RIMS2: variants seen among roughly 807,000 people sequenced by gnomAD.
The protein encoded by RIMS2 is regulating synaptic membrane exocytosis 2, also known as regulating synaptic membrane exocytosis protein 2.
In RIMS2, 59 loss-of-function variants were observed where a neutral mutation model predicts 174.4. That is an observed-to-expected ratio of 0.34 (90% CI 0.27 to 0.42). The LOEUF is 0.42. Ranked by LOEUF, RIMS2 falls within the 10% of genes least tolerant of loss-of-function variation. RIMS2 has a pLI of 1.00. For missense variants in RIMS2, 1,620 were observed against 1,666.3 expected, an observed-to-expected ratio of 0.97 and a Z score of 0.48; for synonymous variants, 606 against 572.5, an observed-to-expected ratio of 1.06 and a Z score of -0.84.
intron 1 of RIMS2, among the ~76,000 whole-genome samples, chr8:103,503,095 A>C (rs561398883): frequency 6.6e-6 from 1 of 152,086 alleles, no homozygotes; most frequent in East Asian, 1.9e-4. Flanking sequence ...CATACAATCT[A>C]TAAAATTACA....
intron 19 of RIMS2, among the ~76,000 whole-genome samples, chr8:104,145,131 T>A (rs550041095): frequency 3.2e-4 from 49 of 152,332 alleles, no homozygotes; most frequent in African/African-American, 1.1e-3. Context: ...TATTTTGTTT[T>A]GTTTTTGCTA....
At chr8:104,006,628 C>T (rs1441930614) in intron 17 of RIMS2, among the ~76,000 whole-genome samples, 1 of 31,412 alleles carries the variant, frequency 3.2e-5, no homozygotes, top group Non-Finnish European at 7.2e-5. Context: ...TGATCTATTT[C>T]TCTCTCTCTC....
intron 1 of RIMS2, among the ~76,000 whole-genome samples, chr8:103,559,603 C>T (rs955589815): frequency 6.6e-6 from 1 of 152,108 alleles, no homozygotes; most frequent in Admixed American, 6.6e-5. Context: ...ATGACACTGT[C>T]AACTCATGGT....
chr8:104,146,611 C>G (rs892418439), intron 19 of RIMS2, among the ~76,000 whole-genome samples: 1 of 152,144 alleles, frequency 6.6e-6, no homozygotes, highest in African/African-American at 2.4e-5. Context: ...GCAAAAATCA[C>G]AAGATACAAT....
chr8:103,710,199 A>C (rs980091674), intron 2 of RIMS2, among the ~76,000 whole-genome samples: 3 of 152,162 alleles, frequency 2.0e-5, no homozygotes, highest in African/African-American at 7.2e-5. Context: ...TATGAAATAG[A>C]ATAATGAGAA....
At chr8:103,604,448 G>C (rs1445815951) in intron 1 of RIMS2, among the ~76,000 whole-genome samples, 1 of 152,088 alleles carries the variant, frequency 6.6e-6, no homozygotes, top group Non-Finnish European at 1.5e-5. Context: ...CTCCAGCTTT[G>C]TTCTTTTGGC....
chr8:103,790,321 A>T (rs2098485018), intron 3 of RIMS2, among the ~76,000 whole-genome samples: 1 of 152,218 alleles, frequency 6.6e-6, no homozygotes, highest in South Asian at 2.1e-4. Context: ...GGAGTTGCCT[A>T]TTCTGGACAT....
At chr8:103,616,048 C>T (rs942923140) in intron 1 of RIMS2, among the ~76,000 whole-genome samples, 1 of 152,106 alleles carries the variant, frequency 6.6e-6, no homozygotes, top group Admixed American at 6.5e-5. Flanking sequence ...GATACCAAAA[C>T]CTGGAAGAGA....
intron 19 of RIMS2, among the ~76,000 whole-genome samples, chr8:104,130,306 T>C (rs188592635): frequency 1.3e-5 from 2 of 152,334 alleles, no homozygotes; most frequent in Non-Finnish European, 2.9e-5. Flanking sequence ...TGGGTGAACC[T>C]GTACACCGAG....
At position 103,932,274 on chromosome 8, in the gene RIMS2, T is replaced by C. The variant is rs76200865; in HGVS notation, c.2375+881T>C. Among the ~76,000 whole-genome samples the C allele has an allele frequency of 2.0e-3, 307 of 152,314 alleles. 1 individual carries two copies. Among genetic ancestry groups the C allele is most frequent in the African/African-American group, 6.9e-3 (287 of 41,574 alleles). On this transcript the variant is annotated intron_variant, in intron 12 of 23. Transcript: ENST00000504942. ...TTTTGGAATCTCATTGATTTAGTTATTTAGTTCAAGTAGAAAGTCAAGGTT... is the reference window on the plus strand; with the variant it reads ...TTTTGGAATCTCATTGATTTAGTTACTTAGTTCAAGTAGAAAGTCAAGGTT...
intron 14 of RIMS2, among the ~76,000 whole-genome samples, chr8:103,950,178 A>G (rs55933208): frequency 0.13 from 19,294 of 152,146 alleles, 1,688 homozygotes; most frequent in Non-Finnish European, 0.19. Flanking sequence ...CTTTATCAAT[A>G]AAGTCTGCCT....
rs562908045 is a variant in RIMS2 at position 103,597,625 on chromosome 8, CTT to C, written c.176+96566_176+96567del. Among the ~76,000 whole-genome samples the C allele has an allele frequency of 4.9e-3, 745 of 152,172 alleles. 7 individuals are homozygous for C. Among genetic ancestry groups the C allele is most frequent in the African/African-American group, 0.017 (718 of 41,532 alleles). On this transcript the variant is annotated intron_variant, in intron 1 of 23. Coordinates refer to ENST00000504942, the Ensembl canonical transcript of RIMS2. ...AATAATTATCCCTCTCCTTTGAACTCTTTTATATATAGAACTACAGTGATTTG... is the reference window on the plus strand; with the variant it reads ...AATAATTATCCCTCTCCTTTGAACTCTTATATATAGAACTACAGTGATTTG...
intron 1 of RIMS2, among the ~76,000 whole-genome samples, chr8:103,540,558 G>T (rs1444166975): frequency 6.6e-6 from 1 of 152,168 alleles, no homozygotes; most frequent in South Asian, 2.1e-4. Context: ...TGAAGAGTTG[G>T]CTACTGCACC....
chr8:103,564,220 C>T (rs10086733), intron 1 of RIMS2, among the ~76,000 whole-genome samples: 27,690 of 152,006 alleles, frequency 0.18, 2,767 homozygotes, highest in African/African-American at 0.26. Flanking sequence ...AATATGATTA[C>T]GTGCAAAATT....
chr8:103,870,318 C>T (rs1175834349), intron 3 of RIMS2, among the ~76,000 whole-genome samples: 1 of 151,850 alleles, frequency 6.6e-6, no homozygotes, highest in Non-Finnish European at 1.5e-5. Context: ...GTACCCACAA[C>T]TCAGTGCTAA....
chr8:103,843,114 G>A (rs1159092477), intron 3 of RIMS2, among the ~76,000 whole-genome samples: 1 of 152,126 alleles, frequency 6.6e-6, no homozygotes, highest in Non-Finnish European at 1.5e-5. Flanking sequence ...GAGATGCTGG[G>A]AGTTAGAGCT....
intron 3 of RIMS2, among the ~76,000 whole-genome samples, chr8:103,883,076 T>C (rs554336701): frequency 2.6e-5 from 4 of 151,812 alleles, no homozygotes; most frequent in Admixed American, 2.6e-4. Flanking sequence ...AAATGGAAGA[T>C]GGTTTTAGAA....
chr8:103,575,599 A>G (rs1395488633), intron 1 of RIMS2, among the ~76,000 whole-genome samples: 1 of 150,756 alleles, frequency 6.6e-6, no homozygotes, highest in African/African-American at 2.4e-5. Context: ...GCACTCCCCC[A>G]CCACAGGAAA....
chr8:103,741,963 G>A (rs1439027101), intron 2 of RIMS2, among the ~76,000 whole-genome samples: 1 of 151,970 alleles, frequency 6.6e-6, no homozygotes, highest in Non-Finnish European at 1.5e-5. Context: ...TGTGACAAAA[G>A]CTATGTATGA....
Sources: allele counts gnomAD v4.1 joint callset (sites outside exome capture counted in the v4.1 genomes callset), GRCh38; gene constraint gnomAD v4.1.1; transcripts MANE v1.5; gene names NCBI Gene and HGNC (gene_info 2026-07-23, HGNC 2026-07-21).